The following VEPH1 variants were observed in gnomAD, a reference collection of about 807,000 sequenced individuals.
The protein encoded by VEPH1 is ventricular zone expressed PH domain containing 1.
VEPH1 carries 80 observed loss-of-function variants against 85.2 expected under a neutral mutation model. The observed-to-expected ratio is 0.94, with a 90% CI of 0.78 to 1.13. VEPH1 has a LOEUF of 1.13. Among genes scored for constraint, VEPH1 ranks in the 50% most tolerant of loss-of-function variants. The pLI is 0.00. For missense variants in VEPH1, 955 were observed against 980.5 expected (o/e 0.97, Z 0.35); for synonymous variants, 297 against 348.0 (o/e 0.85, Z 1.63).
chr3:157,287,727 G>T (rs553592714), intron 11 of VEPH1, among the ~76,000 whole-genome samples: 1 of 151,888 alleles, frequency 6.6e-6, no homozygotes, highest in South Asian at 2.1e-4. Flanking sequence ...ACCACACCTG[G>T]CTAATTTTTG....
intron 9 of VEPH1, among the ~76,000 whole-genome samples, chr3:157,355,814 G>A (rs563789415): frequency 2.6e-5 from 4 of 152,036 alleles, no homozygotes; most frequent in Admixed American, 6.5e-5. Flanking sequence ...TAATGGCTGC[G>A]GGATAATTGA....
rs191277005 is a variant in VEPH1, at chr3:157,490,099, A to T, written c.138+5113T>A. On this transcript the variant is annotated intron_variant, in intron 2 of 13. Transcript: ENST00000362010. ...GGATAGAAATGTAATGTCTATAGATATAAAGACAGTAGTACATAATGATGT... is the reference window on the plus strand; with the variant it reads ...GGATAGAAATGTAATGTCTATAGATTTAAAGACAGTAGTACATAATGATGT... Among the ~76,000 whole-genome samples, 13 of 152,206 alleles carry T rather than the reference A, an allele frequency of 8.5e-5. No homozygotes were observed. The East Asian group carries it at 2.5e-3, about 29-fold the overall frequency.
At position 157,286,414 on chromosome 3, in the gene VEPH1, A is replaced by G. The variant is rs1256488631; in HGVS notation, c.2128+143T>C. The G allele has an allele frequency of 8.4e-6, 6 of 712,592 alleles. No individual in the cohort carries two copies. In the Admixed American group the frequency reaches 9.2e-5, roughly 11 times the overall value. 44.1% of individuals were successfully genotyped at this position (712,592 alleles called of 1,614,324 possible). On this transcript the variant is annotated intron_variant, in intron 12 of 13. Coordinates refer to ENST00000362010, the MANE Select transcript of VEPH1 (RefSeq NM_001167912.2). ...ACCACTTTGGTGAGACGCCTTTCTC[A>G]GCACAAAGCAGGGACATGACTCTGT... is the stretch of plus-strand genomic sequence containing the variant.
intron 2 of VEPH1, among the ~76,000 whole-genome samples, chr3:157,472,120 T>C (rs1338839333): frequency 1.3e-5 from 2 of 152,224 alleles, no homozygotes; most frequent in African/African-American, 4.8e-5. Flanking sequence ...GCAGATATTA[T>C]CCACACATTC....
intron 9 of VEPH1, among the ~76,000 whole-genome samples, chr3:157,348,504 T>C (rs893434908): frequency 6.6e-6 from 1 of 152,244 alleles, no homozygotes; most frequent in Non-Finnish European, 1.5e-5. Context: ...TGATGATTAG[T>C]GATGTTGAAC....
chr3:157,454,091 G>T (rs1735182941), intron 4 of VEPH1, among the ~76,000 whole-genome samples: 1 of 151,664 alleles, frequency 6.6e-6, no homozygotes, highest in Non-Finnish European at 1.5e-5. Flanking sequence ...TCTGTTATTT[G>T]CAAGTCTGAC....
chr3:157,328,748 G>T (rs569691265), intron 9 of VEPH1, among the ~76,000 whole-genome samples: 1 of 152,290 alleles, frequency 6.6e-6, no homozygotes, highest in East Asian at 1.9e-4. Context: ...CTCAGGAAAG[G>T]CTTGATATTT....
At position 157,291,666 on chromosome 3, in the gene VEPH1, T is replaced by G. The variant is rs77563073; in HGVS notation, c.2011-4992A>C. Among the ~76,000 whole-genome samples, 492 of 152,326 alleles carry G rather than the reference T, an allele frequency of 3.2e-3. 1 individual carries two copies. The highest frequency in any genetic ancestry group is 0.011 in the African/African-American group (456 of 41,576). Reference sequence around the variant, plus strand: ...TGTGAGGTGTGATTGTTACTAAGCTTCTTCTGGTGTGATGTTTTGGCTCTC... The same window carrying G: ...TGTGAGGTGTGATTGTTACTAAGCTGCTTCTGGTGTGATGTTTTGGCTCTC... On this transcript the variant is annotated intron_variant, in intron 11 of 13. Transcript: ENST00000362010.
At chr3:157,426,330 G>A (rs1272411755) in intron 5 of VEPH1, among the ~76,000 whole-genome samples, 3 of 152,294 alleles carry the variant, frequency 2.0e-5, no homozygotes, top group Admixed American at 2.0e-4. Flanking sequence ...GATGTTGGTG[G>A]CAGTGATAGA....
At chr3:157,380,532 C>G (rs1728644046) in intron 7 of VEPH1, among the ~76,000 whole-genome samples, 1 of 152,186 alleles carries the variant, frequency 6.6e-6, no homozygotes, top group South Asian at 2.1e-4. Context: ...AAATGCTGCC[C>G]AAAAGACAGC....
chr3:157,364,199 C>T (rs1726370159), intron 8 of VEPH1, 104 bp downstream of exon 8: 2 of 824,816 alleles, frequency 2.4e-6, no homozygotes, highest in South Asian at 3.7e-5. Context: ...CTTTGGGTGG[C>T]AATGGGTAAA....
rs1315258490 is a variant in VEPH1, at chr3:157,459,633, C to G, written c.529+548G>C. 6 of 1,272,760 alleles carry G rather than the reference C, an allele frequency of 4.7e-6. No homozygotes were observed. The Admixed American group carries it at 1.9e-4, about 40-fold the overall frequency. 78.8% of individuals were successfully genotyped at this position (1,272,760 alleles called of 1,614,324 possible). On this transcript the variant is annotated intron_variant, in intron 4 of 13. Coordinates refer to ENST00000362010, the MANE Select transcript of VEPH1 (RefSeq NM_001167912.2). ...AGACAAGGAGAATATTTTGCATGAA[C>G]TAATTTGAGCTTCTTATTCATTCAA...
chr3:157,337,942 G>T (rs1011976632), intron 9 of VEPH1, among the ~76,000 whole-genome samples: 20 of 152,014 alleles, frequency 1.3e-4, no homozygotes, highest in African/African-American at 4.6e-4. Flanking sequence ...TACCACTCTG[G>T]TTTGAAGAAT....
chr3:157,261,857 G>A (rs1577171213), intron 13 of VEPH1, among the ~76,000 whole-genome samples: 1 of 152,140 alleles, frequency 6.6e-6, no homozygotes, highest in African/African-American at 2.4e-5. Context: ...TTGGAAGCAT[G>A]CTTTGTCTAC....
At chr3:157,453,043 T>C (rs1735100896) in intron 4 of VEPH1, among the ~76,000 whole-genome samples, 1 of 152,182 alleles carries the variant, frequency 6.6e-6, no homozygotes, top group African/African-American at 2.4e-5. Context: ...GGTTCAGAAA[T>C]GTTCATGTGG....
At chr3:157,403,778 T>A (rs1470596992) in intron 6 of VEPH1, among the ~76,000 whole-genome samples, 3 of 152,084 alleles carry the variant, frequency 2.0e-5, no homozygotes, top group Non-Finnish European at 4.4e-5. Flanking sequence ...GAAAATTGGG[T>A]ATAGCTGTGT....
At chr3:157,466,001 T>G (rs934927772) in intron 3 of VEPH1, among the ~76,000 whole-genome samples, 1 of 152,228 alleles carries the variant, frequency 6.6e-6, no homozygotes, top group Non-Finnish European at 1.5e-5. Context: ...AGAGTGAGGA[T>G]AAAGCCAGGC....
At chr3:157,268,357 G>A (rs1287706330) in intron 12 of VEPH1, among the ~76,000 whole-genome samples, 1 of 152,030 alleles carries the variant, frequency 6.6e-6, no homozygotes, top group African/African-American at 2.4e-5. Flanking sequence ...AGACTATCTG[G>A]GATGAGGAAA....
At chr3:157,381,405 T>C in intron 6 of VEPH1, 29 bp from the exon 7 acceptor site, 1 of 1,609,648 alleles carries the variant, frequency 6.2e-7, no homozygotes, top group South Asian at 1.1e-5. Flanking sequence ...AAAATAGGTT[T>C]ATCTTTTAGA....
Sources: gnomAD v4.1 joint callset for allele counts (sites outside exome capture counted in the v4.1 genomes callset) on GRCh38, gnomAD v4.1.1 for gene constraint, MANE v1.5 for transcripts, NCBI Gene and HGNC (gene_info 2026-07-23, HGNC 2026-07-21) for gene names.